Variants in NEBL observed in about 807,000 individuals in gnomAD.
NEBL encodes nebulette, also known as LIM and SH3 protein 2.
In NEBL, 122 loss-of-function variants were observed where a neutral mutation model predicts 140.2. The ratio of observed to expected loss-of-function variants is 0.87; its 90% CI spans 0.75 to 1.01. The LOEUF (loss-of-function observed/expected upper bound fraction) is 1.01. Ranked by LOEUF, NEBL falls within the 50% of genes least tolerant of loss-of-function variation. The pLI, the probability that NEBL is intolerant of heterozygous loss-of-function variation, is 0.00. For synonymous variants in NEBL, 436 were observed against 398.9 expected (o/e 1.09, Z -1.11); for missense variants, 1,365 against 1,231.3 (o/e 1.11, Z -1.62).
At chr10:21,182,215 T>C (rs909849480) in intron 3 of NEBL, among the ~76,000 whole-genome samples, 7 of 151,960 alleles carry the variant, frequency 4.6e-5, no homozygotes, top group Non-Finnish European at 2.9e-5. Flanking sequence ...CTCACACCTG[T>C]AATCCCAGCA....
chr10:20,881,293 A>C (rs1035818703), intron 4 of NEBL, among the ~76,000 whole-genome samples: 2 of 152,254 alleles, frequency 1.3e-5, no homozygotes, highest in African/African-American at 4.8e-5. Context: ...AATTGTTTTC[A>C]AATGATTGGG....
intron 2 of NEBL, among the ~76,000 whole-genome samples, chr10:21,169,066 AAATATATATATATATATATATAT>A (rs1840949993): frequency 3.9e-5 from 2 of 50,940 alleles, no homozygotes; most frequent in African/African-American, 8.2e-5. Context: ...AAAAAAAAAA[AAATATATATATATATATATATAT>A]ATATATATAT....
At chr10:20,838,788 C>A (rs1484881333) in intron 13 of NEBL, among the ~76,000 whole-genome samples, 1 of 152,142 alleles carries the variant, frequency 6.6e-6, no homozygotes. Context: ...AGAGACAAGA[C>A]CCTCCGCCAG....
intron 2 of NEBL, among the ~76,000 whole-genome samples, chr10:21,128,669 A>T (rs1284006461): frequency 6.6e-6 from 1 of 152,226 alleles, no homozygotes; most frequent in Non-Finnish European, 1.5e-5. Context: ...AGCAAAAAAA[A>T]GGAAGACCAA....
intron 2 of NEBL, among the ~76,000 whole-genome samples, chr10:21,124,876 T>C (rs1320784146): frequency 6.6e-6 from 1 of 152,164 alleles, no homozygotes; most frequent in Non-Finnish European, 1.5e-5. Context: ...CAGGAGGATG[T>C]TTGAGCCCAG....
rs147622517 is a variant in NEBL at position 20,888,199 on chromosome 10, G to C, written c.267C>G (p.Tyr89Ter). Residue 89 changes from tyrosine to a stop codon, truncating the protein, a stop_gained, in exon 4 of 28, where the codon TAC (tyrosine) becomes TAG (stop). Coordinates refer to ENST00000377122, the MANE Select transcript of NEBL (RefSeq NM_006393.3). LOFTEE classifies it high-confidence loss of function. ...NIGAFISEAK[Y>*]KGTIKADLSN... Reference sequence around the variant, plus strand: ...AAAGGTCAGCTTTAATGGTGCCTTTGTATTTTGCCTGGGGGAAAAAAAAAC... The same window carrying C: ...AAAGGTCAGCTTTAATGGTGCCTTTCTATTTTGCCTGGGGGAAAAAAAAAC... 1.8e-3 allele frequency: 2,956 copies of C among 1,598,200 alleles called. 13 individuals are homozygous for C. Among genetic ancestry groups the C allele is most frequent in the Non-Finnish European group, 2.3e-3 (2,725 of 1,170,388 alleles).
chr10:21,247,558 T>A (rs1588560361), intron 3 of NEBL, among the ~76,000 whole-genome samples: 1 of 152,178 alleles, frequency 6.6e-6, no homozygotes, highest in South Asian at 2.1e-4. Flanking sequence ...TTTCACCTCA[T>A]CATCCTCAGC....
At chr10:21,232,633 G>A (rs1257919994) in intron 3 of NEBL, among the ~76,000 whole-genome samples, 5 of 152,126 alleles carry the variant, frequency 3.3e-5, no homozygotes, top group Admixed American at 6.5e-5. Flanking sequence ...TAGGGTTTGC[G>A]CTTCTATGAG....
At chr10:21,101,686 C>T (rs1473995921) in intron 2 of NEBL, among the ~76,000 whole-genome samples, 2 of 152,118 alleles carry the variant, frequency 1.3e-5, no homozygotes, top group African/African-American at 4.8e-5. Context: ...TACTATGTAC[C>T]CCCACAATTT....
At chr10:20,888,824 T>C (rs1200767078) in intron 3 of NEBL, among the ~76,000 whole-genome samples, 2 of 152,174 alleles carry the variant, frequency 1.3e-5, no homozygotes, top group Non-Finnish European at 2.9e-5. Flanking sequence ...GGAAACATAA[T>C]CAATAATTGA....
At chr10:20,923,666 C>CAAAAAGAAAAAAAAAA (rs1833714214) in intron 4 of NEBL, among the ~76,000 whole-genome samples, 1 of 28,362 alleles carries the variant, frequency 3.5e-5, no homozygotes, top group Non-Finnish European at 6.3e-5. Flanking sequence ...GACTCCGTCT[C>CAAAAAGAAAAAAAAAA]AAAAAAAAAA....
chr10:20,932,460 A>C (rs1302255031), intron 4 of NEBL, among the ~76,000 whole-genome samples: 2 of 152,204 alleles, frequency 1.3e-5, no homozygotes, highest in African/African-American at 4.8e-5. Context: ...CATTAGGACA[A>C]ACAACTAATG....
chr10:21,074,601 C>T (rs1388235595), intron 2 of NEBL, among the ~76,000 whole-genome samples: 3 of 151,112 alleles, frequency 2.0e-5, no homozygotes, highest in Non-Finnish European at 4.4e-5. Flanking sequence ...CCTCAGCCTC[C>T]CTAGTAGCTG....
intron 2 of NEBL, among the ~76,000 whole-genome samples, chr10:21,023,704 T>A (rs889140349): frequency 1.3e-4 from 19 of 151,872 alleles, no homozygotes; most frequent in South Asian, 4.2e-4. Context: ...CAAAAATAAA[T>A]AAATAAATAA....
chr10:20,831,524 T>G lies in NEBL; in HGVS notation c.1509A>C (p.Thr503=). ...TAGCTCTCTGGACATCAAGAGTGTC[T>G]GTGCTCACCTGCATCCCTTTCCCTT... ...EIKGKGMQVS[T]DTLDVQRAKK... Residue 503 remains threonine (T), a synonymous_variant, in exon 15 of 28, where the codon ACA becomes ACC. Transcript: ENST00000377122. The G allele has an allele frequency of 6.2e-7, 1 of 1,612,848 alleles. No individual in the cohort carries two copies.
rs763778231 is a variant in NEBL, at chr10:20,819,452, ACTCT to A, written c.2023_2026del (p.Arg675Ter). On this transcript the variant is annotated frameshift_variant, in exon 20 of 28. Transcript: ENST00000377122. LOFTEE classifies it high-confidence loss of function. Reference sequence around the variant, plus strand: ...ACTCAGCTGCTCCTGGTTTCGCCTCACTCTCTCTATCTCCGGGGTCATGCTTACC... The same window carrying A: ...ACTCAGCTGCTCCTGGTTTCGCCTCACTCTATCTCCGGGGTCATGCTTACC... The A allele has an allele frequency of 1.4e-5, 23 of 1,613,570 alleles. 1 individual carries two copies. The highest frequency in any genetic ancestry group is 5.0e-5 in the Admixed American group (3 of 59,936).
chr10:21,186,986 G>A (rs958235221), intron 3 of NEBL, among the ~76,000 whole-genome samples: 10 of 128,822 alleles, frequency 7.8e-5, no homozygotes, highest in Non-Finnish European at 1.4e-4. Context: ...GGCCAACTCT[G>A]TATGTGTGTG....
At chr10:21,242,054 T>G (rs1380191851) in intron 3 of NEBL, among the ~76,000 whole-genome samples, 1 of 151,984 alleles carries the variant, frequency 6.6e-6, no homozygotes, top group Admixed American at 6.6e-5. Flanking sequence ...ATATAAAAAT[T>G]AGCTGGGTGT....
chr10:21,040,472 T>C (rs981837368), intron 2 of NEBL, among the ~76,000 whole-genome samples: 1 of 152,256 alleles, frequency 6.6e-6, no homozygotes, highest in Middle Eastern at 3.4e-3. Flanking sequence ...GGGGAGCAGG[T>C]ATGTTACCTG....
Sources: gnomAD v4.1 joint callset for allele counts (sites outside exome capture counted in the v4.1 genomes callset) on GRCh38, gnomAD v4.1.1 for gene constraint, MANE v1.5 for transcripts, NCBI Gene and HGNC (gene_info 2026-07-23, HGNC 2026-07-21) for gene names.